The following GUCY1A2 variants were observed in gnomAD, a reference collection of about 807,000 sequenced individuals.
GUCY1A2 encodes guanylate cyclase soluble subunit alpha-2.
A neutral mutation model predicts 63.5 loss-of-function variants in GUCY1A2; 27 were observed. The ratio of observed to expected loss-of-function variants is 0.43; its 90% CI spans 0.31 to 0.59. The LOEUF (loss-of-function observed/expected upper bound fraction) is 0.59. GUCY1A2 is among the 20% of genes least tolerant of loss of function. The pLI, the probability that GUCY1A2 is intolerant of heterozygous loss-of-function variation, is 0.11. For missense variants in GUCY1A2, 768 were observed against 913.3 expected (o/e 0.84, Z 2.05); for synonymous variants, 364 against 343.5 (o/e 1.06, Z -0.66).
At chr11:106,744,606 A>C (rs1313523457) in intron 6 of GUCY1A2, among the ~76,000 whole-genome samples, 1 of 152,158 alleles carries the variant, frequency 6.6e-6, no homozygotes, top group East Asian at 1.9e-4. Flanking sequence ...AGGAAGGTTT[A>C]CTTGTCATGT....
intron 1 of GUCY1A2, among the ~76,000 whole-genome samples, chr11:107,010,101 T>A (rs1206128130): frequency 6.6e-6 from 1 of 152,050 alleles, no homozygotes; most frequent in Non-Finnish European, 1.5e-5. Context: ...TGGAAGTGAT[T>A]TCTCACTATT....
chr11:106,699,912 G>A (rs923275891), intron 7 of GUCY1A2, among the ~76,000 whole-genome samples: 11 of 152,042 alleles, frequency 7.2e-5, no homozygotes, highest in African/African-American at 1.7e-4. Flanking sequence ...CTCACGAGTA[G>A]CTGGGACTAC....
chr11:106,959,066 T>G (rs1193278984), intron 3 of GUCY1A2, among the ~76,000 whole-genome samples: 1 of 152,194 alleles, frequency 6.6e-6, no homozygotes, highest in Non-Finnish European at 1.5e-5. Flanking sequence ...ATTAAAAGCA[T>G]GCCAAGCGGA....
rs2135332286 is a variant in GUCY1A2, at chr11:106,686,883, T to A, written c.*666A>T. 1 of 196,886 alleles carries A rather than the reference T, an allele frequency of 5.1e-6. No individual in the cohort carries two copies. The highest frequency in any genetic ancestry group is 2.3e-5 in the African/African-American group (1 of 43,484). The allele number at this position is 196,886 out of a possible 1,614,324, so 12.2% of individuals were successfully genotyped here. A position where few individuals can be genotyped will look rare whatever the true frequency, so the allele number is the denominator to read the frequency against. ...TTATATGTATTCTCAGTCGAAGCACTGATCTCTCTAAATAAGGGAAACTAT... is the reference window on the plus strand; with the variant it reads ...TTATATGTATTCTCAGTCGAAGCACAGATCTCTCTAAATAAGGGAAACTAT... On this transcript the variant is annotated 3_prime_UTR_variant, in exon 8 of 8. Coordinates refer to ENST00000526355, the MANE Select transcript of GUCY1A2 (RefSeq NM_000855.3).
chr11:106,771,983 G>A (rs1396051351), intron 6 of GUCY1A2, among the ~76,000 whole-genome samples: 1 of 152,062 alleles, frequency 6.6e-6, no homozygotes, highest in Non-Finnish European at 1.5e-5. Context: ...TATAGATATA[G>A]TCCAGAAGTA....
chr11:106,861,242 C>G (rs575994874), intron 4 of GUCY1A2, among the ~76,000 whole-genome samples: 6 of 152,094 alleles, frequency 3.9e-5, no homozygotes, highest in Admixed American at 3.9e-4. Context: ...AGGAGCCTAT[C>G]TTGAGATGTA....
At chr11:106,734,203 C>G (rs1478155997) in intron 6 of GUCY1A2, among the ~76,000 whole-genome samples, 1 of 152,090 alleles carries the variant, frequency 6.6e-6, no homozygotes, top group Non-Finnish European at 1.5e-5. Flanking sequence ...CACATACCAG[C>G]AACCACTGGA....
At chr11:106,826,727 T>G in intron 4 of GUCY1A2, 1 of 1,609,770 alleles carries the variant, frequency 6.2e-7, no homozygotes, top group Non-Finnish European at 8.5e-7. Flanking sequence ...GCTGCAGCCA[T>G]GCACTTTGCT....
In GUCY1A2 at chr11:106,708,570, T is replaced by C; in HGVS notation, c.1933A>G (p.Ser645Gly). ...CLFGNNVTLA[S>G]KFESGSHPRR... is the part of the protein sequence containing the mutation. Reference sequence around the variant, plus strand: ...GGGTGACTTCCCGACTCGAATTTGCTTGCCAGTGTGACATTATTTCCAAAC... The same window carrying C: ...GGGTGACTTCCCGACTCGAATTTGCCTGCCAGTGTGACATTATTTCCAAAC... The change falls in exon 7 of 8, where the codon AGC becomes GGC. Residue 645 changes from serine to glycine, a missense_variant. Coordinates refer to ENST00000526355, the MANE Select transcript of GUCY1A2 (RefSeq NM_000855.3). 2 of 1,613,142 alleles carry C rather than the reference T, an allele frequency of 1.2e-6. No homozygotes were observed. The highest frequency in any genetic ancestry group is 1.7e-6 in the Non-Finnish European group (2 of 1,179,472).
intron 2 of GUCY1A2, 136 bp downstream of exon 2, chr11:106,985,934 C>A (rs73555805): frequency 2.2e-5 from 14 of 633,726 alleles, no homozygotes; most frequent in Non-Finnish European, 4.0e-5. Flanking sequence ...TAAGCCTTCA[C>A]GCCCCACACT....
intron 5 of GUCY1A2, among the ~76,000 whole-genome samples, chr11:106,805,784 A>T (rs1333394646): frequency 6.6e-6 from 1 of 152,128 alleles, no homozygotes; most frequent in Non-Finnish European, 1.5e-5. Context: ...CAGAATCAAT[A>T]ACTGTAGTTA....
chr11:106,935,501 C>T (rs535337412), intron 4 of GUCY1A2, among the ~76,000 whole-genome samples: 1 of 152,188 alleles, frequency 6.6e-6, no homozygotes, highest in South Asian at 2.1e-4. Flanking sequence ...TTCTCCGCAC[C>T]TCTCTTTTAA....
rs573732167 is a variant in GUCY1A2 at position 106,947,401 on chromosome 11, TGAAAAAC to T, written c.488-7230_488-7224del. On this transcript the variant is annotated intron_variant, in intron 3 of 7. Transcript: ENST00000526355. Reference sequence around the variant, plus strand: ...AACCTTGATAAAAATAAAATTTTAGTGAAAAACTTTAATGTGTCCTTTTGAGAAATCA... The same window carrying T: ...AACCTTGATAAAAATAAAATTTTAGTTTTAATGTGTCCTTTTGAGAAATCA... Among the ~76,000 whole-genome samples, 26 of 151,862 alleles carry T rather than the reference TGAAAAAC, an allele frequency of 1.7e-4. 1 individual carries two copies. The East Asian group carries it at 2.1e-3, about 12-fold the overall frequency.
intron 6 of GUCY1A2, among the ~76,000 whole-genome samples, chr11:106,757,059 T>G (rs1302420549): frequency 6.6e-6 from 1 of 152,222 alleles, no homozygotes; most frequent in Non-Finnish European, 1.5e-5. Context: ...TTTACTCTTT[T>G]TTCTCTAATC....
rs1434788425 is a variant in GUCY1A2, at chr11:106,687,488, C to T, written c.*61G>A. 8 of 1,182,898 alleles carry T rather than the reference C, an allele frequency of 6.8e-6. No individual in the cohort carries two copies. Among genetic ancestry groups the T allele is most frequent in the Non-Finnish European group, 6.3e-6 (5 of 790,998 alleles). The allele number at this position is 1,182,898 out of a possible 1,614,324, so 73.3% of individuals were successfully genotyped here. ...AGAGACACAATCTCTTTCCACCCCC[C>T]ATTGGTGACCCATGTTCTGGGCTTG... is the stretch of plus-strand genomic sequence containing the variant. On this transcript the variant is annotated 3_prime_UTR_variant, in exon 8 of 8. Coordinates refer to ENST00000526355, the MANE Select transcript of GUCY1A2 (RefSeq NM_000855.3).
At chr11:106,804,517 C>T (rs1044118234) in intron 5 of GUCY1A2, among the ~76,000 whole-genome samples, 2 of 152,170 alleles carry the variant, frequency 1.3e-5, no homozygotes, top group Non-Finnish European at 2.9e-5. Flanking sequence ...GGAAGTGAAG[C>T]ATTTCATTTT....
intron 4 of GUCY1A2, among the ~76,000 whole-genome samples, chr11:106,926,233 A>G (rs949962778): frequency 2.0e-5 from 3 of 152,172 alleles, no homozygotes; most frequent in African/African-American, 7.2e-5. Flanking sequence ...CAGCCTGGCC[A>G]GCATGGCAAA....
At chr11:106,880,379 C>T (rs910020294) in intron 4 of GUCY1A2, among the ~76,000 whole-genome samples, 2 of 151,960 alleles carry the variant, frequency 1.3e-5, no homozygotes, top group Non-Finnish European at 2.9e-5. Context: ...GTGAAGACTG[C>T]ATGTTTTTTT....
intron 4 of GUCY1A2, among the ~76,000 whole-genome samples, chr11:106,813,773 A>G (rs1036378628): frequency 6.6e-5 from 10 of 152,090 alleles, no homozygotes; most frequent in Admixed American, 2.0e-4. Flanking sequence ...TAAACTGGAA[A>G]AGATGATAAT....
Sources: gnomAD v4.1 joint callset for allele counts (sites outside exome capture counted in the v4.1 genomes callset) on GRCh38, gnomAD v4.1.1 for gene constraint, MANE v1.5 for transcripts, NCBI Gene and HGNC (gene_info 2026-07-23, HGNC 2026-07-21) for gene names.